KIRREL3: variants seen among roughly 807,000 people sequenced by gnomAD.
KIRREL3 encodes kin of IRRE-like protein 3.
In KIRREL3, 36 loss-of-function variants were observed where a neutral mutation model predicts 89.7. The ratio of observed to expected loss-of-function variants is 0.40; its 90% CI spans 0.31 to 0.53. The LOEUF is 0.53. Among genes scored for constraint, KIRREL3 ranks in the 20% least tolerant of loss-of-function variants. The pLI is 0.49. For synonymous variants in KIRREL3, 445 were observed against 441.4 expected (o/e 1.01, Z -0.10); for missense variants, 864 against 1,056.6 (o/e 0.82, Z 2.53).
At chr11:126,657,641 A>C (rs566368037) in intron 1 of KIRREL3, among the ~76,000 whole-genome samples, 48 of 152,266 alleles carry the variant, frequency 3.2e-4, no homozygotes, top group African/African-American at 1.1e-3. Context: ...GGAGACAATG[A>C]CACAGAGACA....
In KIRREL3 at chr11:126,955,168, T is replaced by A. The variant is rs561614972; in HGVS notation, c.55+45287A>T. On this transcript the variant is annotated intron_variant, in intron 1 of 16. Coordinates refer to ENST00000525144, the MANE Select transcript of KIRREL3 (RefSeq NM_032531.4). The surrounding 1 kb of genome is among the most constrained non-coding windows in gnomAD (Gnocchi z 4.6). ...TAATGCAGTAGGTTTCAAGCATGAATTAGGGGAAGGGGCCAACAGGGTAAC... is the reference window on the plus strand; with the variant it reads ...TAATGCAGTAGGTTTCAAGCATGAAATAGGGGAAGGGGCCAACAGGGTAAC... 6.6e-6 allele frequency among the ~76,000 whole-genome samples: 1 copy of A among 152,254 alleles called. No homozygotes were observed. The highest frequency in any genetic ancestry group is 2.1e-4 in the South Asian group (1 of 4,822).
intron 5 of KIRREL3, among the ~76,000 whole-genome samples, chr11:126,470,613 T>C (rs1956859279): frequency 6.6e-6 from 1 of 152,160 alleles, no homozygotes; most frequent in Admixed American, 6.5e-5. Flanking sequence ...CTTAGAGGAC[T>C]GGTGGGTAGG....
In KIRREL3 at chr11:126,430,578, G is replaced by T. The variant is rs1430886672; in HGVS notation, c.1696+841C>A. ...TGCTGGGGTGGTCTTGAGAGCCAAG[G>T]CTGCTTAGCTCGGAGTGCAGAAAAT... On this transcript the variant is annotated intron_variant, in intron 14 of 16. Transcript: ENST00000525144. The surrounding 1 kb of genome is among the most constrained non-coding windows in gnomAD (Gnocchi z 6.6). 3.3e-5 allele frequency among the ~76,000 whole-genome samples: 5 copies of T among 152,216 alleles called. No individual in the cohort carries two copies. Among genetic ancestry groups the T allele is most frequent in the African/African-American group, 1.2e-4 (5 of 41,452 alleles).
chr11:126,586,482 C>T (rs1276274761), intron 1 of KIRREL3, among the ~76,000 whole-genome samples: 1 of 151,886 alleles, frequency 6.6e-6, no homozygotes, highest in Non-Finnish European at 1.5e-5. Flanking sequence ...ACATACCCCG[C>T]CCTCTTTCTG....
In KIRREL3 at chr11:126,896,745, C is replaced by T. The variant is rs1262860029; in HGVS notation, c.55+103710G>A. On this transcript the variant is annotated intron_variant, in intron 1 of 16. Coordinates refer to ENST00000525144, the MANE Select transcript of KIRREL3 (RefSeq NM_032531.4). The surrounding 1 kb of genome is among the most constrained non-coding windows in gnomAD (Gnocchi z 4.1). ...GCCACAGCAAGCTCTCTGGCAGCCT[C>T]TGACCTGTGGAGATTCATTCTCACC... Among the ~76,000 whole-genome samples the T allele has an allele frequency of 2.6e-5, 4 of 152,298 alleles. No homozygotes were observed. The South Asian group carries it at 8.3e-4, about 32-fold the overall frequency.
chr11:126,707,712 C>A (rs1213984712), intron 1 of KIRREL3, among the ~76,000 whole-genome samples: 1 of 152,136 alleles, frequency 6.6e-6, no homozygotes, highest in Non-Finnish European at 1.5e-5. Context: ...CATTCTATTC[C>A]CCCTGTGGAT....
chr11:126,878,387 T>C (rs1340944131), intron 1 of KIRREL3, among the ~76,000 whole-genome samples: 1 of 152,180 alleles, frequency 6.6e-6, no homozygotes, highest in African/African-American at 2.4e-5. Context: ...AGATGTCCAG[T>C]ATTTTTACTC....
At position 126,574,430 on chromosome 11, in the gene KIRREL3, T is replaced by C. The variant is rs1941144241; in HGVS notation, c.56-11518A>G. 6.6e-6 allele frequency among the ~76,000 whole-genome samples: 1 copy of C among 152,218 alleles called. No individual in the cohort carries two copies. Among genetic ancestry groups the C allele is most frequent in the Non-Finnish European group, 1.5e-5 (1 of 68,042 alleles). On this transcript the variant is annotated intron_variant, in intron 1 of 16. Transcript: ENST00000525144. The surrounding 1 kb of genome is among the most constrained non-coding windows in gnomAD (Gnocchi z 5.3). The stretch of plus-strand genomic sequence containing the variant: ...AAGGAGAGCATGATGGCTTTGAGTA[T>C]GGAATCAACCTCAAACAGGTCCAGG...
chr11:126,650,948 A>G (rs1378338741), intron 1 of KIRREL3, among the ~76,000 whole-genome samples: 1 of 152,246 alleles, frequency 6.6e-6, no homozygotes, highest in African/African-American at 2.4e-5. Flanking sequence ...CACTTCTTAC[A>G]TGGCAGTGGT....
chr11:126,585,955 A>G (rs557520438), intron 1 of KIRREL3, among the ~76,000 whole-genome samples: 5 of 152,360 alleles, frequency 3.3e-5, no homozygotes, highest in Admixed American at 1.3e-4. Context: ...ATATGATATC[A>G]TAAGCCCTGG....
In KIRREL3 at chr11:126,463,107, T is replaced by A; in HGVS notation, c.742+50A>T. The A allele has an allele frequency of 6.3e-7, 1 of 1,585,894 alleles. No individual in the cohort carries two copies. The highest frequency in any genetic ancestry group is 8.6e-7 in the Non-Finnish European group (1 of 1,161,378). Reference sequence around the variant, plus strand: ...GGCTATGGTCAGGGTTGCTGGGTGTTTCACCCTGGGCCTGGCAGGGCTGGG... The same window carrying A: ...GGCTATGGTCAGGGTTGCTGGGTGTATCACCCTGGGCCTGGCAGGGCTGGG... On this transcript the variant is annotated intron_variant, in intron 6 of 16. Transcript: ENST00000525144. The surrounding 1 kb of genome is among the most constrained non-coding windows in gnomAD (Gnocchi z 5.9).
rs1349659548 is a variant in KIRREL3 at position 126,656,804 on chromosome 11, C to A, written c.56-93892G>T. Among the ~76,000 whole-genome samples the A allele has an allele frequency of 5.3e-5, 8 of 152,162 alleles. No individual in the cohort carries two copies. Among genetic ancestry groups the A allele is most frequent in the Admixed American group, 2.0e-4 (3 of 15,280 alleles). ...TGGTGGCTCATGCCTGTGGTCCCAG[C>A]ACTTTGGGAGGCCAAGGTGTGTGCA... On this transcript the variant is annotated intron_variant, in intron 1 of 16. Coordinates refer to ENST00000525144, the MANE Select transcript of KIRREL3 (RefSeq NM_032531.4). This position sits in a 1 kb window ranked among gnomAD's most constrained non-coding sequence, Gnocchi z 4.0.
intron 4 of KIRREL3, among the ~76,000 whole-genome samples, chr11:126,480,472 CAGAG>C (rs1200531252): frequency 3.3e-5 from 5 of 152,172 alleles, no homozygotes; most frequent in Non-Finnish European, 7.4e-5. Context: ...AGCTGAGACT[CAGAG>C]AGGGCAAATT....
At chr11:126,713,970 TG>T (rs1947859262) in intron 1 of KIRREL3, among the ~76,000 whole-genome samples, 1 of 152,162 alleles carries the variant, frequency 6.6e-6, no homozygotes. Context: ...ATTCCCTGAC[TG>T]TTTTTGTAAA....
At chr11:126,507,401 C>T (rs1480405219) in intron 4 of KIRREL3, among the ~76,000 whole-genome samples, 1 of 152,204 alleles carries the variant, frequency 6.6e-6, no homozygotes, top group Admixed American at 6.5e-5. Context: ...AAGGCCACTT[C>T]CCCATGAGGT....
intron 1 of KIRREL3, among the ~76,000 whole-genome samples, chr11:126,573,229 G>C (rs1892932): frequency 0.16 from 24,412 of 152,176 alleles, 2,496 homozygotes; most frequent in South Asian, 0.39. Flanking sequence ...GCCTCGCGGG[G>C]TGGGTCCTGT....
rs1044764003 is a variant in KIRREL3, at chr11:126,987,184, G to A, written c.55+13271C>T. On this transcript the variant is annotated intron_variant, in intron 1 of 16. Coordinates refer to ENST00000525144, the MANE Select transcript of KIRREL3 (RefSeq NM_032531.4). This position sits in a 1 kb window ranked among gnomAD's most constrained non-coding sequence, Gnocchi z 4.6. ...TGAGATAATTACCTGTCAGGAACAC[G>A]CAAAGGGAGTCTACACCTAGAATTA... is the stretch of plus-strand genomic sequence containing the variant. Among the ~76,000 whole-genome samples, 10 of 151,898 alleles carry A rather than the reference G, an allele frequency of 6.6e-5. No individual in the cohort carries two copies. The highest frequency in any genetic ancestry group is 1.3e-4 in the Non-Finnish European group (9 of 67,986).
intron 4 of KIRREL3, among the ~76,000 whole-genome samples, chr11:126,506,737 T>C (rs1334711548): frequency 1.3e-5 from 2 of 152,170 alleles, no homozygotes; most frequent in Non-Finnish European, 2.9e-5. Context: ...TGAAAACATA[T>C]AGCCACACAC....
In KIRREL3 at chr11:126,527,158, G is replaced by T. The variant is rs1465858879; in HGVS notation, c.134-471C>A. On this transcript the variant is annotated intron_variant, in intron 2 of 16. Coordinates refer to ENST00000525144, the MANE Select transcript of KIRREL3 (RefSeq NM_032531.4). This position sits in a 1 kb window ranked among gnomAD's most constrained non-coding sequence, Gnocchi z 4.2. ...GTGGTGCGGCTTTGGTTAAACCTGA[G>T]AATTCAGGAAATCATTTTGTTGTTT... 6.6e-6 allele frequency among the ~76,000 whole-genome samples: 1 copy of T among 152,172 alleles called. No homozygotes were observed. The highest frequency in any genetic ancestry group is 1.5e-5 in the Non-Finnish European group (1 of 68,038).
Sources: allele counts gnomAD v4.1 joint callset (sites outside exome capture counted in the v4.1 genomes callset), GRCh38; gene constraint gnomAD v4.1.1; non-coding constraint Gnocchi (gnomAD v3.1); transcripts MANE v1.5; gene names NCBI Gene and HGNC (gene_info 2026-07-23, HGNC 2026-07-21).